MLLT10: variants seen among roughly 807,000 people sequenced by gnomAD.
MLLT10 encodes the protein MLLT10 histone lysine methyltransferase DOT1L cofactor.
In MLLT10, 30 loss-of-function variants were observed where a neutral mutation model predicts 129.1. The observed-to-expected ratio is 0.23, with a 90% CI of 0.17 to 0.32. MLLT10 has a LOEUF of 0.32. Among genes scored for constraint, MLLT10 ranks in the 10% least tolerant of loss-of-function variants. The pLI is 1.00. For synonymous variants in MLLT10, 490 were observed against 446.4 expected (o/e 1.10, Z -1.23); for missense variants, 1,119 against 1,268.3 (o/e 0.88, Z 1.79).
chr10:21,696,554 T>C (rs1438400562), intron 13 of MLLT10, among the ~76,000 whole-genome samples: 1 of 152,180 alleles, frequency 6.6e-6, no homozygotes, highest in East Asian at 1.9e-4. Context: ...TTAGATGACC[T>C]TTATGCACAT....
At chr10:21,700,171 A>G (rs1205182978) in intron 13 of MLLT10, among the ~76,000 whole-genome samples, 1 of 131,608 alleles carries the variant, frequency 7.6e-6, no homozygotes, top group South Asian at 2.3e-4. Context: ...TTTTTTTGCT[A>G]TTTCATTATT....
intron 3 of MLLT10, among the ~76,000 whole-genome samples, chr10:21,543,900 AG>A: frequency 6.6e-6 from 1 of 152,354 alleles, no homozygotes; most frequent in Non-Finnish European, 1.5e-5. Context: ...TCACCCAGAA[AG>A]GGAATTGAAT....
intron 14 of MLLT10, among the ~76,000 whole-genome samples, chr10:21,723,342 C>G (rs1048786427): frequency 6.6e-6 from 1 of 151,954 alleles, no homozygotes; most frequent in Non-Finnish European, 1.5e-5. Context: ...AATATAAAGC[C>G]CTTGGCAGAA....
chr10:21,735,710 G>A (rs1021394838), intron 21 of MLLT10, among the ~76,000 whole-genome samples: 10 of 152,098 alleles, frequency 6.6e-5, no homozygotes, highest in Admixed American at 1.3e-4. Flanking sequence ...TTGAGGGAAC[G>A]CAGAGAGAAA....
intron 13 of MLLT10, among the ~76,000 whole-genome samples, chr10:21,707,828 A>G (rs1395407448): frequency 6.6e-6 from 1 of 152,128 alleles, no homozygotes; most frequent in East Asian, 1.9e-4. Context: ...ACAAGGCTTT[A>G]GCTGTATTAC....
chr10:21,717,111 G>A lies in MLLT10; in HGVS notation c.1878+3161G>A, dbSNP rs762470379. 5.5e-4 allele frequency among the ~76,000 whole-genome samples: 84 copies of A among 151,752 alleles called. 1 individual carries two copies. The highest frequency in any genetic ancestry group is 1.0e-3 in the Non-Finnish European group (69 of 67,936). ...TCTACTAAAAATACAAAATTAGCCG[G>A]GCGCGGTGGTGCATGCCTGTAATCC... is the stretch of plus-strand genomic sequence containing the variant. On this transcript the variant is annotated intron_variant, in intron 14 of 22. Transcript: ENST00000307729.
At chr10:21,574,877 C>A (rs1243505081) in intron 3 of MLLT10, among the ~76,000 whole-genome samples, 1 of 152,096 alleles carries the variant, frequency 6.6e-6, no homozygotes, top group Non-Finnish European at 1.5e-5. Context: ...TTTATTACAA[C>A]CTGTTTTATC....
At chr10:21,534,580 G>C (rs2033458887) in intron 1 of MLLT10, 60 bp downstream of exon 1, 1 of 1,525,488 alleles carries the variant, frequency 6.6e-7, no homozygotes, top group Non-Finnish European at 8.9e-7. Flanking sequence ...TCGGGGGGCT[G>C]TGTGGGGGGG....
intron 13 of MLLT10, among the ~76,000 whole-genome samples, chr10:21,705,051 TC>T (rs2055362951): frequency 6.6e-6 from 1 of 152,128 alleles, no homozygotes; most frequent in African/African-American, 2.4e-5. Flanking sequence ...GGCCCATACT[TC>T]CTCAGATGCC....
chr10:21,625,416 A>C, intron 8 of MLLT10: 1 of 841,108 alleles, frequency 1.2e-6, no homozygotes, highest in Non-Finnish European at 2.0e-6. Context: ...TCTGTGCCCA[A>C]GTTTCTCACA....
chr10:21,695,138 T>G (rs2054241117), intron 13 of MLLT10, among the ~76,000 whole-genome samples: 1 of 150,160 alleles, frequency 6.7e-6, no homozygotes, highest in African/African-American at 2.5e-5. Context: ...GGTCTGATCT[T>G]GGCTCACTGC....
chr10:21,583,453 G>A (rs2041673412), intron 3 of MLLT10, among the ~76,000 whole-genome samples: 1 of 152,118 alleles, frequency 6.6e-6, no homozygotes, highest in African/African-American at 2.4e-5. Context: ...AATACTGAAA[G>A]GCAAGAAGTA....
intron 13 of MLLT10, among the ~76,000 whole-genome samples, chr10:21,708,154 GTATT>G (rs566370884): frequency 4.3e-4 from 66 of 152,226 alleles, no homozygotes; most frequent in East Asian, 4.2e-3. Flanking sequence ...TACCTACTGA[GTATT>G]TGTTTGATGA....
intron 2 of MLLT10, among the ~76,000 whole-genome samples, chr10:21,535,183 G>T (rs2033703830): frequency 6.6e-6 from 1 of 151,718 alleles, no homozygotes; most frequent in Admixed American, 6.6e-5. Flanking sequence ...GGCCACGGGG[G>T]TGGGTTTGGG....
At chr10:21,628,188 G>T (rs567251199) in intron 8 of MLLT10, among the ~76,000 whole-genome samples, 11 of 152,236 alleles carry the variant, frequency 7.2e-5, no homozygotes, top group African/African-American at 2.4e-4. Flanking sequence ...AGGTTTTATT[G>T]TATGGGAACA....
At chr10:21,710,486 A>T (rs529480586) in intron 13 of MLLT10, among the ~76,000 whole-genome samples, 2 of 152,348 alleles carry the variant, frequency 1.3e-5, no homozygotes, top group South Asian at 4.1e-4. Flanking sequence ...AATTATGAGC[A>T]ACTGGTTAAA....
intron 8 of MLLT10, among the ~76,000 whole-genome samples, chr10:21,620,215 A>G (rs2045673752): frequency 6.6e-6 from 1 of 152,212 alleles, no homozygotes; most frequent in Non-Finnish European, 1.5e-5. Flanking sequence ...GGCGTGAGCC[A>G]TCATGCCTGG....
chr10:21,731,824 A>G (rs764493315), intron 17 of MLLT10, among the ~76,000 whole-genome samples: 1 of 152,146 alleles, frequency 6.6e-6, no homozygotes, highest in African/African-American at 2.4e-5. Context: ...TTAGGGAAAA[A>G]TAGGTGGTTT....
At chr10:21,675,300 C>T (rs1300940531) in intron 11 of MLLT10, among the ~76,000 whole-genome samples, 4 of 152,150 alleles carry the variant, frequency 2.6e-5, no homozygotes, top group Non-Finnish European at 5.9e-5. Context: ...TGGGACAAGT[C>T]TTCATGTGTT....
Sources: allele counts gnomAD v4.1 joint callset (sites outside exome capture counted in the v4.1 genomes callset), GRCh38; gene constraint gnomAD v4.1.1; transcripts MANE v1.5; gene names NCBI Gene and HGNC (gene_info 2026-07-23, HGNC 2026-07-21).